JPH4: variants seen among roughly 807,000 people sequenced by gnomAD.
JPH4 encodes junctophilin 4.
A neutral mutation model predicts 57.6 loss-of-function variants in JPH4; 18 were observed. The ratio of observed to expected loss-of-function variants is 0.31; its 90% CI spans 0.22 to 0.46. The LOEUF (loss-of-function observed/expected upper bound fraction) is 0.46. Ranked by LOEUF, JPH4 falls within the 20% of genes least tolerant of loss-of-function variation. JPH4 has a pLI of 1.00. For synonymous variants in JPH4, 425 were observed against 406.6 expected, an observed-to-expected ratio of 1.05 and a Z score of -0.54; for missense variants, 727 against 911.1, an observed-to-expected ratio of 0.80 and a Z score of 2.60.
rs1372860146 is a variant in JPH4 at position 23,571,295 on chromosome 14, G to A, written c.1436C>T (p.Pro479Leu). 1 of 1,598,140 alleles carries A rather than the reference G, an allele frequency of 6.3e-7. No homozygotes were observed. Among genetic ancestry groups the A allele is most frequent in the Non-Finnish European group, 8.5e-7 (1 of 1,172,100 alleles). The change falls in exon 5 of 6, where the codon CCA becomes CTA. Residue 479 changes from proline to leucine, a missense_variant. Coordinates refer to ENST00000356300, the MANE Select transcript of JPH4 (RefSeq NM_001146028.2). This position sits in a 1 kb window ranked among gnomAD's most constrained non-coding sequence, Gnocchi z 4.6. ...QPWRPPACRS[P>L]LPPGGDQGPF... ...ACCCTGGTCCCCTCCAGGAGGCAGTGGGCTCCGGCAGGCAGGGGGTCGCCA... is the reference window on the plus strand; with the variant it reads ...ACCCTGGTCCCCTCCAGGAGGCAGTAGGCTCCGGCAGGCAGGGGGTCGCCA...
chr14:23,577,586 C>T lies in JPH4; in HGVS notation c.-133G>A. 1.5e-6 allele frequency: 1 copy of T among 659,754 alleles called. No individual in the cohort carries two copies. The highest frequency in any genetic ancestry group is 3.1e-5 in the South Asian group (1 of 32,588). 40.9% of individuals were successfully genotyped at this position (659,754 alleles called of 1,614,324 possible). A position where few individuals can be genotyped will look rare whatever the true frequency, so the allele number is the denominator to read the frequency against. ...AGACCGGGGCCGGGCGGGGGGGCCCCAGCGAGGGCAGGCAGGGCCGGACCC... is the reference window on the plus strand; with the variant it reads ...AGACCGGGGCCGGGCGGGGGGGCCCTAGCGAGGGCAGGCAGGGCCGGACCC... On this transcript the variant is annotated 5_prime_UTR_variant, in exon 2 of 6. Transcript: ENST00000356300. This position sits in a 1 kb window ranked among gnomAD's most constrained non-coding sequence, Gnocchi z 8.4.
chr14:23,570,803 A>C lies in JPH4; in HGVS notation c.1803+125T>G, dbSNP rs867080530. On this transcript the variant is annotated intron_variant, in intron 5 of 5. Transcript: ENST00000356300. ...ATTTTTTTGAGGTGGGATGTGGTCC[A>C]AGACTGGCCAGGCAGAGGAAGCCGA... 2.2e-5 allele frequency: 23 copies of C among 1,022,824 alleles called. 2 individuals are homozygous for C. The African/African-American group carries it at 3.1e-4, about 14-fold the overall frequency. 63.4% of individuals were successfully genotyped at this position (1,022,824 alleles called of 1,614,324 possible). A position where few individuals can be genotyped will look rare whatever the true frequency, so the allele number is the denominator to read the frequency against.
In JPH4 at chr14:23,577,045, A is replaced by C; in HGVS notation, c.379+30T>G. 3.4e-6 allele frequency: 5 copies of C among 1,481,514 alleles called. No homozygotes were observed. Among genetic ancestry groups the C allele is most frequent in the African/African-American group, 1.4e-5 (1 of 69,862 alleles). The allele number at this position is 1,481,514 out of a possible 1,614,324, so 91.8% of individuals were successfully genotyped here. On this transcript the variant is annotated intron_variant, in intron 2 of 5. Coordinates refer to ENST00000356300, the MANE Select transcript of JPH4 (RefSeq NM_001146028.2). This position sits in a 1 kb window ranked among gnomAD's most constrained non-coding sequence, Gnocchi z 8.4. ...CTGGGGAAGGCGCACGCGGACGAGCAGACAGACACTGGTGGGCCGGGCCCC... is the reference window on the plus strand; with the variant it reads ...CTGGGGAAGGCGCACGCGGACGAGCCGACAGACACTGGTGGGCCGGGCCCC...
chr14:23,577,727 T>G lies in JPH4; in HGVS notation c.-171-103A>C. ...CTGGGGCATCAGCGCCGCCCCCCAA[T>G]CCACCCCCCTCCTTTGGCAGCATCT... On this transcript the variant is annotated intron_variant, in intron 1 of 5. Coordinates refer to ENST00000356300, the MANE Select transcript of JPH4 (RefSeq NM_001146028.2). This position sits in a 1 kb window ranked among gnomAD's most constrained non-coding sequence, Gnocchi z 8.4. The G allele has an allele frequency of 2.9e-6, 1 of 342,592 alleles. No homozygotes were observed. The highest frequency in any genetic ancestry group is 4.5e-5 in the East Asian group (1 of 22,288). The allele number at this position is 342,592 out of a possible 1,614,324, so 21.2% of individuals were successfully genotyped here.
chr14:23,572,385 C>G (rs746782426), intron 3 of JPH4, among the ~76,000 whole-genome samples: 75 of 151,992 alleles, frequency 4.9e-4, no homozygotes, highest in Middle Eastern at 6.8e-3. Context: ...CCTCTCACCC[C>G]CCTGGAGTCA....
At chr14:23,570,216 T>G (rs891797126) in intron 5 of JPH4, among the ~76,000 whole-genome samples, 1 of 149,346 alleles carries the variant, frequency 6.7e-6, no homozygotes, top group East Asian at 2.0e-4. Context: ...ATCTTTTCCT[T>G]TTTTATTTCT....
At chr14:23,573,019 GAGCTGA>G (rs1566679095) in intron 3 of JPH4, 2 of 696,216 alleles carry the variant, frequency 2.9e-6, no homozygotes, top group South Asian at 3.0e-5. Flanking sequence ...GGGCACAAAA[GAGCTGA>G]GGAAAAGGCA....
chr14:23,573,622 C>A (rs1291554501), intron 3 of JPH4, among the ~76,000 whole-genome samples: 1 of 152,174 alleles, frequency 6.6e-6, no homozygotes, highest in Non-Finnish European at 1.5e-5. Context: ...GGCTACCTGG[C>A]AGAGGCACCT....
At position 23,571,246 on chromosome 14, in the gene JPH4, C is replaced by A; in HGVS notation, c.1485G>T (p.Trp495Cys). 1 of 1,609,974 alleles carries A rather than the reference C, an allele frequency of 6.2e-7. No homozygotes were observed. ...CGCCTGCCCCCCCCCACTCCTCAGGCCAAGCTTTGGGGCTGGAGAAGGGAC... is the reference window on the plus strand; with the variant it reads ...CGCCTGCCCCCCCCCACTCCTCAGGACAAGCTTTGGGGCTGGAGAAGGGAC... ...DQGPFSSPKA[W>C]PEEWGGAGAQ... Residue 495 changes from tryptophan to cysteine, a missense_variant, in exon 5 of 6, where the codon TGG becomes TGT. By Grantham distance (215) the Trp-to-Cys change is radical (BLOSUM62 -2). This residue lies in a region of JPH4 where 293 missense variants were observed against 279.8 expected (regional missense o/e 1.05). Coordinates refer to ENST00000356300, the MANE Select transcript of JPH4 (RefSeq NM_001146028.2). The surrounding 1 kb of genome is among the most constrained non-coding windows in gnomAD (Gnocchi z 4.6).
At chr14:23,574,068 C>T (rs1595394801) in intron 3 of JPH4, among the ~76,000 whole-genome samples, 1 of 152,046 alleles carries the variant, frequency 6.6e-6, no homozygotes, top group East Asian at 1.9e-4. Flanking sequence ...TAAATGAAAT[C>T]CTCCACCCCT....
At position 23,568,262 on chromosome 14, in the gene JPH4, C is replaced by T; in HGVS notation, c.*1372G>A. On this transcript the variant is annotated 3_prime_UTR_variant, in exon 6 of 6. Transcript: ENST00000356300. ...GAAGAGGGTATGTGTGGTGGGCATT[C>T]CTGGGCAAGGCCATTCCTTGAGGGA... is the stretch of plus-strand genomic sequence containing the variant. The T allele has an allele frequency of 1.0e-6, 1 of 985,848 alleles. No homozygotes were observed. The highest frequency in any genetic ancestry group is 1.7e-5 in the African/African-American group (1 of 57,336). 61.1% of individuals were successfully genotyped at this position (985,848 alleles called of 1,614,324 possible).
Position 23,571,590 on chromosome 14 carries a change from C to G in JPH4, c.1271-130G>C. 1 of 1,182,300 alleles carries G rather than the reference C, an allele frequency of 8.5e-7. No individual in the cohort carries two copies. The highest frequency in any genetic ancestry group is 1.4e-5 in the South Asian group (1 of 69,876). 73.2% of individuals were successfully genotyped at this position (1,182,300 alleles called of 1,614,324 possible). ...GGCTCATAGCCTCTCACCGCCAGAC[C>G]CCAAACCCCCCATTATCCTACTGCA... On this transcript the variant is annotated intron_variant, in intron 4 of 5. Transcript: ENST00000356300. The surrounding 1 kb of genome is among the most constrained non-coding windows in gnomAD (Gnocchi z 4.6).
At position 23,568,507 on chromosome 14, in the gene JPH4, C is replaced by T; in HGVS notation, c.*1127G>A. The stretch of plus-strand genomic sequence containing the variant: ...CTGGGAAGCATGTGAGATCAGCTAT[C>T]TTTGATCCCCTCCTTCTGTTGTTTT... On this transcript the variant is annotated 3_prime_UTR_variant, in exon 6 of 6. Coordinates refer to ENST00000356300, the MANE Select transcript of JPH4 (RefSeq NM_001146028.2). 3.0e-6 allele frequency: 3 copies of T among 985,772 alleles called. No homozygotes were observed. The highest frequency in any genetic ancestry group is 3.6e-6 in the Non-Finnish European group (3 of 829,974). 61.1% of individuals were successfully genotyped at this position (985,772 alleles called of 1,614,324 possible). A position where few individuals can be genotyped will look rare whatever the true frequency, so the allele number is the denominator to read the frequency against.
rs761980231 is a variant in JPH4, at chr14:23,571,233, C to A, written c.1498G>T (p.Gly500Trp). ...TCCTCTGCCTGTGCGCCTGCCCCCCCCCACTCCTCAGGCCAAGCTTTGGGG... is the reference window on the plus strand; with the variant it reads ...TCCTCTGCCTGTGCGCCTGCCCCCCACCACTCCTCAGGCCAAGCTTTGGGG... Reference protein sequence around the residue: ...SSPKAWPEEWGGAGAQAEELA... With the variant: ...SSPKAWPEEWWGAGAQAEELA... The change falls in exon 5 of 6, where the codon GGG (glycine) becomes TGG (tryptophan). Residue 500 changes from glycine to tryptophan, a missense_variant. Gly to Trp is a radical substitution (Grantham distance 184, BLOSUM62 -2). Coordinates refer to ENST00000356300, the MANE Select transcript of JPH4 (RefSeq NM_001146028.2). The surrounding 1 kb of genome is among the most constrained non-coding windows in gnomAD (Gnocchi z 4.6). 2.0e-5 allele frequency: 33 copies of A among 1,611,982 alleles called. No individual in the cohort carries two copies. The highest frequency in any genetic ancestry group is 4.5e-5 in the East Asian group (2 of 44,886).
In JPH4 at chr14:23,570,955, G is replaced by A. The variant is rs768479969; in HGVS notation, c.1776C>T (p.Pro592=). ...GCTGGGCAGGCCTCTCGGTTGCAGC[G>A]GGCTCCCCGAGCTCTTCTGTCAGGC... ...AGCLTEELGE[P]AATERPAQPG... The change falls in exon 5 of 6, where the codon CCC becomes CCT. Residue 592 remains proline, a synonymous_variant. Coordinates refer to ENST00000356300, the MANE Select transcript of JPH4 (RefSeq NM_001146028.2). 21 of 1,518,274 alleles carry A rather than the reference G, an allele frequency of 1.4e-5. No individual in the cohort carries two copies. Among genetic ancestry groups the A allele is most frequent in the Non-Finnish European group, 1.7e-5 (19 of 1,134,158 alleles). The allele number at this position is 1,518,274 out of a possible 1,614,324, so 94.1% of individuals were successfully genotyped here. A position where few individuals can be genotyped will look rare whatever the true frequency, so the allele number is the denominator to read the frequency against.
Position 23,576,523 on chromosome 14 carries a change from C to A in JPH4, c.380-67G>T. On this transcript the variant is annotated intron_variant, in intron 2 of 5. Transcript: ENST00000356300. The surrounding 1 kb of genome is among the most constrained non-coding windows in gnomAD (Gnocchi z 8.0). Reference sequence around the variant, plus strand: ...CGCTGGGCTCCTTGCGCCCCAAGTCCCAAGCGCCCCTGGAAGCCCAAGCGT... The same window carrying A: ...CGCTGGGCTCCTTGCGCCCCAAGTCACAAGCGCCCCTGGAAGCCCAAGCGT... The A allele has an allele frequency of 7.8e-7, 1 of 1,289,874 alleles. No homozygotes were observed. The highest frequency in any genetic ancestry group is 9.9e-7 in the Non-Finnish European group (1 of 1,008,468). The allele number at this position is 1,289,874 out of a possible 1,614,324, so 79.9% of individuals were successfully genotyped here. A position where few individuals can be genotyped will look rare whatever the true frequency, so the allele number is the denominator to read the frequency against.
chr14:23,575,643 C>G lies in JPH4; in HGVS notation c.1151+42G>C, dbSNP rs753007251. 3.2e-6 allele frequency: 5 copies of G among 1,564,698 alleles called. No homozygotes were observed. Among genetic ancestry groups the G allele is most frequent in the Non-Finnish European group, 4.3e-6 (5 of 1,158,476 alleles). ...CGCCTTCCTGGTCCCCAGCGCACCC[C>G]CTCCTCTTAGCCCAGCTTTGGCCTC... is the stretch of plus-strand genomic sequence containing the variant. On this transcript the variant is annotated intron_variant, in intron 3 of 5. Transcript: ENST00000356300. The surrounding 1 kb of genome is among the most constrained non-coding windows in gnomAD (Gnocchi z 6.9).
In JPH4 at chr14:23,577,349, G is replaced by T; in HGVS notation, c.105C>A (p.Ala35=). ...HGYGVCTGPG[A]QGEYSGCWAH... is the part of the protein sequence containing the mutation. ...CCCAGCAGCCGCTGTACTCGCCCTG[G>T]GCGCCGGGGCCCGTGCACACGCCGT... is the stretch of plus-strand genomic sequence containing the variant. Residue 35 remains alanine, a synonymous_variant, in exon 2 of 6, where the codon GCC becomes GCA. Transcript: ENST00000356300. The surrounding 1 kb of genome is among the most constrained non-coding windows in gnomAD (Gnocchi z 8.4). The T allele has an allele frequency of 2.0e-6, 3 of 1,523,618 alleles. No individual in the cohort carries two copies. Among genetic ancestry groups the T allele is most frequent in the Non-Finnish European group, 2.6e-6 (3 of 1,138,136 alleles). 94.4% of individuals were successfully genotyped at this position (1,523,618 alleles called of 1,614,324 possible).
chr14:23,576,120 C>A lies in JPH4; in HGVS notation c.716G>T (p.Ser239Ile). ...RAGGRRSSLGSKRGSLRSEVS... is the reference protein window; with the variant it reads ...RAGGRRSSLGIKRGSLRSEVS... ...CTCGCTGCGCAGGGAGCCTCGCTTG[C>A]TGCCCAGGGAGCTGCGACGTCCGCC... is the stretch of plus-strand genomic sequence containing the variant. The change falls in exon 3 of 6, where the codon AGC (serine) becomes ATC (isoleucine). Residue 239 changes from serine to isoleucine, a missense_variant. By Grantham distance (142) the Ser-to-Ile change is moderately radical. Coordinates refer to ENST00000356300, the MANE Select transcript of JPH4 (RefSeq NM_001146028.2). This position sits in a 1 kb window ranked among gnomAD's most constrained non-coding sequence, Gnocchi z 8.0. The A allele has an allele frequency of 1.5e-6, 2 of 1,302,674 alleles. No individual in the cohort carries two copies. Among genetic ancestry groups the A allele is most frequent in the Non-Finnish European group, 1.9e-6 (2 of 1,027,856 alleles). 80.7% of individuals were successfully genotyped at this position (1,302,674 alleles called of 1,614,324 possible).
Sources: gnomAD v4.1 joint callset for allele counts (sites outside exome capture counted in the v4.1 genomes callset) on GRCh38, gnomAD v4.1.1 for gene constraint, gnomAD v4.1.1 regional missense constraint, Gnocchi (gnomAD v3.1) non-coding constraint, MANE v1.5 for transcripts, NCBI Gene and HGNC (gene_info 2026-07-23, HGNC 2026-07-21) for gene names.